ASTN2: variants seen among roughly 807,000 people sequenced by gnomAD.
The protein encoded by ASTN2 is astrotactin 2.
Under a neutral mutation model 139.8 loss-of-function variants are expected in ASTN2, and 54 were observed. The ratio of observed to expected loss-of-function variants is 0.39; its 90% CI spans 0.31 to 0.48. The LOEUF (loss-of-function observed/expected upper bound fraction) is 0.48. Among genes scored for constraint, ASTN2 ranks in the 20% least tolerant of loss-of-function variants. ASTN2 has a pLI of 0.95. For synonymous variants in ASTN2, 756 were observed against 719.5 expected, an observed-to-expected ratio of 1.05 and a Z score of -0.81; for missense variants, 1,565 against 1,725.1, an observed-to-expected ratio of 0.91 and a Z score of 1.64.
At chr9:116,571,328 A>T (rs1394466036) in intron 19 of ASTN2, among the ~76,000 whole-genome samples, 1 of 152,170 alleles carries the variant, frequency 6.6e-6, no homozygotes, top group Non-Finnish European at 1.5e-5. Context: ...TGAGCACTCA[A>T]TCTGGACTCC....
intron 19 of ASTN2, among the ~76,000 whole-genome samples, chr9:116,548,176 C>A (rs1253785468): frequency 6.6e-6 from 1 of 152,214 alleles, no homozygotes; most frequent in East Asian, 1.9e-4. Flanking sequence ...TGTGTCTGGG[C>A]CTTGCCTCTA....
chr9:117,411,563 C>T (rs975775187), intron 1 of ASTN2, among the ~76,000 whole-genome samples: 4 of 151,720 alleles, frequency 2.6e-5, no homozygotes, highest in South Asian at 2.1e-4. Context: ...CCTTGGTGCA[C>T]GCAGATGGGA....
intron 16 of ASTN2, among the ~76,000 whole-genome samples, chr9:116,652,841 AT>A (rs1857995890): frequency 6.6e-6 from 1 of 152,028 alleles, no homozygotes; most frequent in Non-Finnish European, 1.5e-5. Flanking sequence ...TGCATGCTTC[AT>A]TATGTGCCAT....
chr9:116,772,845 T>A (rs547511793), intron 13 of ASTN2, among the ~76,000 whole-genome samples: 5 of 152,276 alleles, frequency 3.3e-5, no homozygotes, highest in Non-Finnish European at 7.4e-5. Flanking sequence ...GGGTCAGAGC[T>A]CAGGGGGCTT....
intron 19 of ASTN2, 82 bp downstream of exon 19, chr9:116,618,242 C>A (rs1427131187): frequency 4.2e-6 from 6 of 1,440,822 alleles, no homozygotes; most frequent in Non-Finnish European, 5.6e-6. Flanking sequence ...ACAGATGAGA[C>A]CAAGTCTCCA....
chr9:117,145,689 A>G (rs1830178506), intron 3 of ASTN2, among the ~76,000 whole-genome samples: 1 of 151,992 alleles, frequency 6.6e-6, no homozygotes, highest in Non-Finnish European at 1.5e-5. Context: ...TGAAATTCCT[A>G]TGTTGATTCT....
chr9:116,952,818 C>T (rs1347143615), intron 10 of ASTN2, among the ~76,000 whole-genome samples: 4 of 152,182 alleles, frequency 2.6e-5, no homozygotes, highest in African/African-American at 9.7e-5. Flanking sequence ...CCTTTGATTA[C>T]AGCCTTTGAG....
chr9:116,727,417 A>G (rs1828659238), intron 15 of ASTN2, among the ~76,000 whole-genome samples: 1 of 152,222 alleles, frequency 6.6e-6, no homozygotes, highest in Admixed American at 6.5e-5. Context: ...TTTGATTGAC[A>G]AAAGGGTTTT....
chr9:116,434,841 G>A (rs993022896), intron 22 of ASTN2, among the ~76,000 whole-genome samples: 1 of 150,670 alleles, frequency 6.6e-6, no homozygotes, highest in African/African-American at 2.5e-5. Flanking sequence ...ACCAGGCTCT[G>A]GGGGACACTG....
intron 20 of ASTN2, among the ~76,000 whole-genome samples, chr9:116,473,998 G>A (rs1339950637): frequency 1.3e-5 from 2 of 152,110 alleles, no homozygotes; most frequent in African/African-American, 4.8e-5. Context: ...CTCTGCATGT[G>A]TATTTGTTTC....
chr9:117,203,860 T>C (rs1234703160), intron 3 of ASTN2, among the ~76,000 whole-genome samples: 1 of 152,150 alleles, frequency 6.6e-6, no homozygotes, highest in East Asian at 1.9e-4. Flanking sequence ...AGGGCTCATT[T>C]AATGAAGCAC....
intron 19 of ASTN2, among the ~76,000 whole-genome samples, chr9:116,544,586 C>T (rs1382677873): frequency 6.6e-6 from 1 of 152,120 alleles, no homozygotes. Flanking sequence ...CATCACATTT[C>T]TGACAGTTAC....
rs116264741 is a variant in ASTN2 at position 116,637,416 on chromosome 9, T to C, written c.3072+14112A>G. Among the ~76,000 whole-genome samples the C allele has an allele frequency of 6.5e-3, 996 of 152,342 alleles. 15 individuals carry two copies. The highest frequency in any genetic ancestry group is 0.023 in the African/African-American group (942 of 41,574). ...AAACAATTGTATAAGGTAGATATTATTAATCTCATTTTACCGATGGTAAAA... is the reference window on the plus strand; with the variant it reads ...AAACAATTGTATAAGGTAGATATTACTAATCTCATTTTACCGATGGTAAAA... On this transcript the variant is annotated intron_variant, in intron 17 of 22. Coordinates refer to ENST00000313400, the MANE Select transcript of ASTN2 (RefSeq NM_001365068.1).
chr9:117,221,200 G>A (rs188328935), intron 2 of ASTN2, among the ~76,000 whole-genome samples: 87 of 152,152 alleles, frequency 5.7e-4, no homozygotes, highest in African/African-American at 2.0e-3. Flanking sequence ...TTTCTCCAAT[G>A]CCAGTGCCTT....
chr9:116,465,909 C>T (rs1349874763), intron 20 of ASTN2, among the ~76,000 whole-genome samples: 2 of 152,164 alleles, frequency 1.3e-5, no homozygotes, highest in Non-Finnish European at 2.9e-5. Flanking sequence ...TGTGACAGTA[C>T]TGACATGCAG....
intron 5 of ASTN2, among the ~76,000 whole-genome samples, chr9:117,066,368 A>G (rs1048896470): frequency 1.5e-4 from 22 of 148,734 alleles, no homozygotes; most frequent in Admixed American, 2.7e-4. Flanking sequence ...TTATGGCTGC[A>G]TAGTATTCCA....
intron 16 of ASTN2, among the ~76,000 whole-genome samples, chr9:116,694,343 G>A (rs751447830): frequency 6.6e-5 from 10 of 151,986 alleles, no homozygotes; most frequent in African/African-American, 2.2e-4. Flanking sequence ...GTAAGGTAAC[G>A]TTCTAGATTC....
intron 13 of ASTN2, among the ~76,000 whole-genome samples, chr9:116,786,085 G>A (rs1830369050): frequency 3.3e-5 from 5 of 152,070 alleles, no homozygotes. Context: ...TATCCACCGA[G>A]GCTCCTTTTG....
At chr9:117,367,914 A>G (rs931098382) in intron 1 of ASTN2, among the ~76,000 whole-genome samples, 1 of 152,114 alleles carries the variant, frequency 6.6e-6, no homozygotes. Context: ...CTATCTTATT[A>G]TCATATGAGT....
Sources: gnomAD v4.1 joint callset for allele counts (sites outside exome capture counted in the v4.1 genomes callset) on GRCh38, gnomAD v4.1.1 for gene constraint, MANE v1.5 for transcripts, NCBI Gene and HGNC (gene_info 2026-07-23, HGNC 2026-07-21) for gene names.